SUMF1: variants seen among roughly 807,000 people sequenced by gnomAD.
The protein encoded by SUMF1 is sulfatase modifying factor 1.
SUMF1 carries 48 observed loss-of-function variants against 47.6 expected under a neutral mutation model. The observed-to-expected ratio is 1.01, with a 90% CI of 0.80 to 1.28. The LOEUF is 1.28. SUMF1 is among the 50% of genes most tolerant of loss of function. The pLI is 0.00. For synonymous variants in SUMF1, 230 were observed against 192.1 expected, an observed-to-expected ratio of 1.20 and a Z score of -1.63; for missense variants, 571 against 485.4, an observed-to-expected ratio of 1.18 and a Z score of -1.66.
chr3:4,267,959 C>T (rs1472002145), intron 8 of SUMF1, among the ~76,000 whole-genome samples: 3 of 149,018 alleles, frequency 2.0e-5, no homozygotes, highest in Non-Finnish European at 3.0e-5. Context: ...TGGCACTATT[C>T]ACAATAGCAA....
intron 8 of SUMF1, among the ~76,000 whole-genome samples, chr3:4,237,927 C>A (rs1013723661): frequency 1.3e-5 from 2 of 152,212 alleles, no homozygotes; most frequent in Middle Eastern, 3.4e-3. Context: ...CTATCCCTCC[C>A]CTAGCCCCAC....
chr3:4,238,122 T>C (rs1233293437), intron 8 of SUMF1, among the ~76,000 whole-genome samples: 1 of 152,214 alleles, frequency 6.6e-6, no homozygotes, highest in Non-Finnish European at 1.5e-5. Flanking sequence ...ATCCTTTTTA[T>C]GGCTGCATAG....
rs538593361 is a variant in SUMF1 at position 4,108,795 on chromosome 3, C to G, written c.1015-40050G>C. On this transcript the variant is annotated intron_variant and NMD_transcript_variant, in intron 8 of 12. Coordinates refer to the SUMF1 transcript ENST00000448413. ...TTGCTTGGTAGATCTTCCTCCATCCCTTTATTTTGAGCCTATGTGTGTCCC... is the reference window on the plus strand; with the variant it reads ...TTGCTTGGTAGATCTTCCTCCATCCGTTTATTTTGAGCCTATGTGTGTCCC... Among the ~76,000 whole-genome samples the G allele has an allele frequency of 4.6e-5, 7 of 152,186 alleles. No individual in the cohort carries two copies. In the South Asian group the frequency reaches 1.5e-3, roughly 32 times the overall value.
At chr3:4,222,000 T>C (rs1260396580) in intron 8 of SUMF1, among the ~76,000 whole-genome samples, 1 of 152,000 alleles carries the variant, frequency 6.6e-6, no homozygotes, top group Admixed American at 6.6e-5. Flanking sequence ...ATTTTCATTG[T>C]AAAAAAATTT....
intron 8 of SUMF1, among the ~76,000 whole-genome samples, chr3:4,297,192 T>A (rs1043474344): frequency 6.7e-6 from 1 of 150,000 alleles, no homozygotes; most frequent in African/African-American, 2.5e-5. Context: ...CACTGTGTAA[T>A]ATAAACATAA....
chr3:4,184,027 C>T (rs572145506), intron 8 of SUMF1, among the ~76,000 whole-genome samples: 20 of 151,814 alleles, frequency 1.3e-4, no homozygotes, highest in Admixed American at 1.1e-3. Flanking sequence ...CCCACCTACT[C>T]GGGAGGCTGA....
intron 8 of SUMF1, among the ~76,000 whole-genome samples, chr3:4,232,087 T>A (rs1020239187): frequency 6.6e-6 from 1 of 152,086 alleles, no homozygotes; most frequent in Non-Finnish European, 1.5e-5. Context: ...ATGGAGTCCA[T>A]CTTAGGTAAC....
intron 8 of SUMF1, among the ~76,000 whole-genome samples, chr3:4,375,942 T>C (rs933164972): frequency 1.3e-5 from 2 of 152,194 alleles, no homozygotes; most frequent in African/African-American, 4.8e-5. Flanking sequence ...CCTCCATACA[T>C]AACTCTCACC....
intron 8 of SUMF1, among the ~76,000 whole-genome samples, chr3:4,082,586 G>C (rs549182605): frequency 2.4e-4 from 37 of 152,090 alleles, no homozygotes; most frequent in Non-Finnish European, 1.5e-5. Flanking sequence ...AAAGGTCTGA[G>C]ACAAGGATTG....
Position 4,150,155 on chromosome 3 carries a change from C to T in SUMF1, c.1015-81410G>A, listed in dbSNP as rs551255804. On this transcript the variant is annotated intron_variant and NMD_transcript_variant, in intron 8 of 12. Coordinates refer to the SUMF1 transcript ENST00000448413. ...TGTCTCCCAGGCTGGAGTGCACTGGCGTATTATAGCTCACTGCAGCCTTGA... is the reference window on the plus strand; with the variant it reads ...TGTCTCCCAGGCTGGAGTGCACTGGTGTATTATAGCTCACTGCAGCCTTGA... Among the ~76,000 whole-genome samples, 20 of 131,788 alleles carry T rather than the reference C, an allele frequency of 1.5e-4. 1 individual carries two copies. Among genetic ancestry groups the T allele is most frequent in the Admixed American group, 3.1e-4 (4 of 13,098 alleles). 86.5% of individuals were successfully genotyped at this position (131,788 alleles called of 152,430 possible). A position where few individuals can be genotyped will look rare whatever the true frequency, so the allele number is the denominator to read the frequency against.
chr3:4,422,861 T>C (rs1218537279), intron 3 of SUMF1, among the ~76,000 whole-genome samples: 1 of 152,188 alleles, frequency 6.6e-6, no homozygotes, highest in Non-Finnish European at 1.5e-5. Context: ...CATGTGTAAG[T>C]GCTTTGGTGG....
chr3:4,274,542 G>T (rs1697374471), intron 8 of SUMF1, among the ~76,000 whole-genome samples: 1 of 152,116 alleles, frequency 6.6e-6, no homozygotes, highest in Admixed American at 6.5e-5. Flanking sequence ...ATAAACATAG[G>T]TAAGACTATA....
intron 8 of SUMF1, among the ~76,000 whole-genome samples, chr3:4,374,941 T>C (rs951870228): frequency 6.6e-6 from 1 of 151,954 alleles, no homozygotes; most frequent in Non-Finnish European, 1.5e-5. Flanking sequence ...GCAGGAAGAA[T>C]TTCCTGAGCC....
At chr3:4,198,536 A>G (rs1695477973) in intron 8 of SUMF1, among the ~76,000 whole-genome samples, 1 of 152,200 alleles carries the variant, frequency 6.6e-6, no homozygotes, top group Non-Finnish European at 1.5e-5. Flanking sequence ...TTATGCAACC[A>G]TCTTGGAAAT....
At chr3:4,068,674 C>T (rs1394614538) in exon 9 of SUMF1, 1 of 452,220 alleles carries the variant, frequency 2.2e-6, no homozygotes, top group Admixed American at 2.4e-5. Flanking sequence ...AGGCCTTCCA[C>T]CTGCTGGCTG....
chr3:4,206,383 C>G (rs1015550877), intron 8 of SUMF1, among the ~76,000 whole-genome samples: 1 of 152,034 alleles, frequency 6.6e-6, no homozygotes, highest in Non-Finnish European at 1.5e-5. Context: ...TTATTTAGTA[C>G]CCTAGAGCAC....
At chr3:4,291,180 A>C (rs1697735491) in intron 8 of SUMF1, among the ~76,000 whole-genome samples, 1 of 152,284 alleles carries the variant, frequency 6.6e-6, no homozygotes, top group Middle Eastern at 3.4e-3. Flanking sequence ...GATCCTCAAA[A>C]CATTCAATTG....
intron 8 of SUMF1, among the ~76,000 whole-genome samples, chr3:4,160,800 C>T (rs1198124629): frequency 1.3e-5 from 2 of 152,050 alleles, no homozygotes; most frequent in Non-Finnish European, 2.9e-5. Flanking sequence ...TCACATATTT[C>T]TGTCTCCTTG....
At chr3:4,242,155 T>C (rs1399773097) in intron 8 of SUMF1, among the ~76,000 whole-genome samples, 2 of 152,188 alleles carry the variant, frequency 1.3e-5, no homozygotes, top group African/African-American at 4.8e-5. Context: ...AAGTTGCTTA[T>C]CAGCTTAAGG....
Sources: gnomAD v4.1 joint callset for allele counts (sites outside exome capture counted in the v4.1 genomes callset) on GRCh38, gnomAD v4.1.1 for gene constraint, MANE v1.5 for transcripts, NCBI Gene and HGNC (gene_info 2026-07-23, HGNC 2026-07-21) for gene names.